The following ASXL3 variants were observed in gnomAD, a reference collection of about 807,000 sequenced individuals.
The protein encoded by ASXL3 is ASXL transcriptional regulator 3.
ASXL3 carries 34 observed loss-of-function variants against 170.6 expected under a neutral mutation model. That is an observed-to-expected ratio of 0.20 (90% confidence interval 0.15 to 0.27). ASXL3 has a LOEUF of 0.27. Among genes scored for constraint, ASXL3 ranks in the 10% least tolerant of loss-of-function variants. ASXL3 has a pLI of 1.00. For missense variants in ASXL3, 2,592 were observed against 2,695.3 expected (o/e 0.96, Z 0.85); for synonymous variants, 1,002 against 989.1 (o/e 1.01, Z -0.24).
chr18:33,721,078 C>A (rs1239862034), intron 8 of ASXL3, among the ~76,000 whole-genome samples: 1 of 151,940 alleles, frequency 6.6e-6, no homozygotes. Flanking sequence ...ATTCTGAAAT[C>A]CTTAGCAGCA....
chr18:33,739,923 C>T lies in ASXL3; in HGVS notation c.2519C>T (p.Ser840Leu). 6.2e-7 allele frequency: 1 copy of T among 1,613,894 alleles called. No individual in the cohort carries two copies. ...NKTLSQQTCK[S>L]HVDTEKPYPA... ...ACCCTGAGTCAGCAAACCTGTAAATCACATGTTGACACTGAGAAGCCCTAC... is the reference window on the plus strand; with the variant it reads ...ACCCTGAGTCAGCAAACCTGTAAATTACATGTTGACACTGAGAAGCCCTAC... The change falls in exon 11 of 12, where the codon TCA (serine) becomes TTA (leucine). Residue 840 changes from serine to leucine, a missense_variant. By Grantham distance (145) the Ser-to-Leu change is moderately radical. Coordinates refer to ENST00000269197, the MANE Select transcript of ASXL3 (RefSeq NM_030632.3).
chr18:33,688,368 G>A (rs182974704), intron 8 of ASXL3, among the ~76,000 whole-genome samples: 10 of 152,300 alleles, frequency 6.6e-5, no homozygotes, highest in East Asian at 5.8e-4. Flanking sequence ...AAGACAAGTC[G>A]AAATTGAGTT....
intron 8 of ASXL3, among the ~76,000 whole-genome samples, chr18:33,729,718 G>A (rs2067411660): frequency 1.3e-5 from 2 of 152,076 alleles, no homozygotes; most frequent in Admixed American, 1.3e-4. Flanking sequence ...GGATGTTGTA[G>A]CTCATCATCT....
chr18:33,616,324 G>T (rs1484936146), intron 2 of ASXL3, among the ~76,000 whole-genome samples: 3 of 151,964 alleles, frequency 2.0e-5, no homozygotes, highest in Admixed American at 1.3e-4. Context: ...ATTGTGAAAT[G>T]TCCCGTTATT....
intron 1 of ASXL3, among the ~76,000 whole-genome samples, chr18:33,592,607 A>G (rs184582334): frequency 2.6e-5 from 4 of 152,206 alleles, no homozygotes; most frequent in Non-Finnish European, 2.9e-5. Context: ...GTGAGAAATA[A>G]GCATTTGTTT....
chr18:33,730,753 C>T (rs1224431584), intron 8 of ASXL3, among the ~76,000 whole-genome samples: 2 of 152,166 alleles, frequency 1.3e-5, no homozygotes, highest in Non-Finnish European at 2.9e-5. Flanking sequence ...AGTGAATTTC[C>T]AGCACCCATA....
intron 2 of ASXL3, among the ~76,000 whole-genome samples, chr18:33,636,346 A>C (rs1006845815): frequency 5.0e-5 from 2 of 40,182 alleles, no homozygotes; most frequent in African/African-American, 2.2e-4. Context: ...CAACAACAAC[A>C]GCCACAACAA....
At position 33,743,607 on chromosome 18, in the gene ASXL3, C is replaced by T; in HGVS notation, c.3759C>T (p.Pro1253=). Residue 1253 remains proline (P), a synonymous_variant, in exon 12 of 12, where the codon CCC becomes CCT. Coordinates refer to ENST00000269197, the MANE Select transcript of ASXL3 (RefSeq NM_030632.3). ...TAISGAIKEH[P]FVSSVDKSSV... ...TATCGGGAGCAATTAAAGAACATCC[C>T]TTTGTGAGTTCTGTTGATAAATCCT... The T allele has an allele frequency of 1.2e-6, 2 of 1,613,388 alleles. No individual in the cohort carries two copies. The highest frequency in any genetic ancestry group is 2.2e-5 in the South Asian group (2 of 91,082).
chr18:33,590,753 A>G (rs540138359), intron 1 of ASXL3, among the ~76,000 whole-genome samples: 45 of 152,304 alleles, frequency 3.0e-4, no homozygotes, highest in African/African-American at 1.1e-3. Flanking sequence ...TTTAGAAGCT[A>G]GAAGTTACCA....
At chr18:33,588,815 C>G (rs937985697) in intron 1 of ASXL3, among the ~76,000 whole-genome samples, 3 of 152,112 alleles carry the variant, frequency 2.0e-5, no homozygotes, top group Non-Finnish European at 4.4e-5. Context: ...AATGCCTTAT[C>G]TCTTTCCCAC....
intron 8 of ASXL3, among the ~76,000 whole-genome samples, chr18:33,725,985 A>C (rs568813407): frequency 6.6e-6 from 1 of 152,166 alleles, no homozygotes; most frequent in South Asian, 2.1e-4. Context: ...TAGTTAACAG[A>C]AATCCCTGTC....
intron 1 of ASXL3, among the ~76,000 whole-genome samples, chr18:33,598,960 G>A (rs567776438): frequency 6.6e-6 from 1 of 152,204 alleles, no homozygotes; most frequent in East Asian, 1.9e-4. Context: ...GGGACAATAG[G>A]CCCTATGTGA....
chr18:33,684,333 T>C (rs2066559388), intron 8 of ASXL3, among the ~76,000 whole-genome samples: 1 of 152,218 alleles, frequency 6.6e-6, no homozygotes, highest in Non-Finnish European at 1.5e-5. Flanking sequence ...CATGTATATT[T>C]ATGAATTTGT....
rs1271830829 is a variant in ASXL3 at position 33,645,116 on chromosome 18, A to G, written c.246+114A>G. Reference sequence around the variant, plus strand: ...AGAAGAATGACTCCTATGCCTTTAAATGTTTACAGATGTCTTAGAAATGAT... The same window carrying G: ...AGAAGAATGACTCCTATGCCTTTAAGTGTTTACAGATGTCTTAGAAATGAT... On this transcript the variant is annotated intron_variant, in intron 3 of 11. Transcript: ENST00000269197. 1.2e-5 allele frequency: 6 copies of G among 514,018 alleles called. 1 individual carries two copies. The highest frequency in any genetic ancestry group is 3.8e-5 in the South Asian group (1 of 26,328). The allele number at this position is 514,018 out of a possible 1,614,324, so 31.8% of individuals were successfully genotyped here.
chr18:33,648,764 A>G (rs2065953626), intron 4 of ASXL3, among the ~76,000 whole-genome samples: 1 of 152,070 alleles, frequency 6.6e-6, no homozygotes, highest in African/African-American at 2.4e-5. Context: ...GAGTATAGAA[A>G]ACAGTGAGAC....
chr18:33,618,495 G>A (rs558385937), intron 2 of ASXL3, among the ~76,000 whole-genome samples: 4 of 152,228 alleles, frequency 2.6e-5, no homozygotes, highest in Admixed American at 2.0e-4. Context: ...TTGTGGAGAT[G>A]TAGATATTAC....
rs117150404 is a variant in ASXL3, at chr18:33,635,730, T to A, written c.138-9164T>A. On this transcript the variant is annotated intron_variant, in intron 2 of 11. Transcript: ENST00000269197. The stretch of plus-strand genomic sequence containing the variant: ...CCCTAAAAGAAAAGAATGCAGGGTA[T>A]GCAAATATAAGATGGCCACTGCAGC... Among the ~76,000 whole-genome samples the A allele has an allele frequency of 1.5e-3, 230 of 152,296 alleles. 2 individuals are homozygous for A. Among genetic ancestry groups the A allele is most frequent in the East Asian group, 0.013 (67 of 5,182 alleles).
rs752799281 is a variant in ASXL3 at position 33,743,026 on chromosome 18, C to T, written c.3178C>T (p.Arg1060Trp). ...GARTLADIKARAQQARAQREA... is the reference protein window; with the variant it reads ...GARTLADIKAWAQQARAQREA... Reference sequence around the variant, plus strand: ...CAGGACCCTCGCAGATATCAAGGCCCGGGCCCAACAAGCTCGGGCCCAGCG... The same window carrying T: ...CAGGACCCTCGCAGATATCAAGGCCTGGGCCCAACAAGCTCGGGCCCAGCG... The change falls in exon 12 of 12, where the codon CGG becomes TGG. Residue 1060 changes from arginine to tryptophan, a missense_variant. Physicochemically the swap from Arg to Trp is moderately radical, Grantham distance 101. Coordinates refer to ENST00000269197, the MANE Select transcript of ASXL3 (RefSeq NM_030632.3). 29 of 1,613,772 alleles carry T rather than the reference C, an allele frequency of 1.8e-5. No homozygotes were observed. Among genetic ancestry groups the T allele is most frequent in the South Asian group, 3.3e-5 (3 of 91,086 alleles).
intron 8 of ASXL3, among the ~76,000 whole-genome samples, chr18:33,712,359 A>T (rs1450829793): frequency 6.6e-6 from 1 of 152,226 alleles, no homozygotes; most frequent in East Asian, 1.9e-4. Context: ...CCTGGCATTA[A>T]CATTGACACA....
Sources: gnomAD v4.1 joint callset for allele counts (sites outside exome capture counted in the v4.1 genomes callset) on GRCh38, gnomAD v4.1.1 for gene constraint, MANE v1.5 for transcripts, NCBI Gene and HGNC (gene_info 2026-07-23, HGNC 2026-07-21) for gene names.